The following GRAP2 variants were observed in gnomAD, a reference collection of about 807,000 sequenced individuals.
The protein encoded by GRAP2 is GRB2 related adaptor protein 2.
A neutral mutation model predicts 43.5 loss-of-function variants in GRAP2; 31 were observed. The ratio of observed to expected loss-of-function variants is 0.71; its 90% CI spans 0.54 to 0.96. The LOEUF is 0.96. Among genes scored for constraint, GRAP2 ranks in the 40% least tolerant of loss-of-function variants. The probability of loss-of-function intolerance (pLI) is 0.00; values close to 1 mark genes in which losing one functional copy is unlikely to be tolerated. For synonymous variants in GRAP2, 156 were observed against 164.8 expected, an observed-to-expected ratio of 0.95 and a Z score of 0.41; for missense variants, 371 against 424.4, an observed-to-expected ratio of 0.87 and a Z score of 1.11.
At chr22:39,924,947 A>T (rs1316128279) in intron 1 of GRAP2, among the ~76,000 whole-genome samples, 1 of 152,202 alleles carries the variant, frequency 6.6e-6, no homozygotes, top group Non-Finnish European at 1.5e-5. Context: ...CAGTAATCCT[A>T]AAGGAGATGG....
intron 3 of GRAP2, among the ~76,000 whole-genome samples, chr22:39,959,275 T>A (rs4600758): frequency 6.6e-6 from 1 of 152,246 alleles, no homozygotes; most frequent in Non-Finnish European, 1.5e-5. Flanking sequence ...TGTATGCAGC[T>A]GTACCTCCAG....
At chr22:39,956,088 G>A (rs2067047036) in intron 3 of GRAP2, among the ~76,000 whole-genome samples, 178 bp downstream of exon 3, 1 of 151,922 alleles carries the variant, frequency 6.6e-6, no homozygotes, top group South Asian at 2.1e-4. Flanking sequence ...GGGAGACTTT[G>A]CATTTCATTT....
chr22:39,916,146 A>G (rs2066600755), intron 1 of GRAP2, among the ~76,000 whole-genome samples: 1 of 152,228 alleles, frequency 6.6e-6, no homozygotes, highest in South Asian at 2.1e-4. Flanking sequence ...GTCTTATGTT[A>G]GAATTATTTA....
rs369404424 is a variant in GRAP2, at chr22:39,955,924, G to T, written c.170+14G>T. ...CCAGTTTCCCAAGTAAGTATCTGCA[G>T]CCTGCTGAGATGGGCCTAGCCACAC... is the stretch of plus-strand genomic sequence containing the variant. On this transcript the variant is annotated intron_variant, in intron 3 of 7. Coordinates refer to ENST00000344138, the MANE Select transcript of GRAP2 (RefSeq NM_004810.4). 1.6e-6 allele frequency: 2 copies of T among 1,216,072 alleles called. No individual in the cohort carries two copies. Among genetic ancestry groups the T allele is most frequent in the Non-Finnish European group, 1.2e-6 (1 of 816,374 alleles). 75.3% of individuals were successfully genotyped at this position (1,216,072 alleles called of 1,614,324 possible). A position where few individuals can be genotyped will look rare whatever the true frequency, so the allele number is the denominator to read the frequency against.
chr22:39,965,351 C>T (rs925587519), intron 4 of GRAP2, among the ~76,000 whole-genome samples: 10 of 152,058 alleles, frequency 6.6e-5, no homozygotes, highest in South Asian at 2.1e-4. Flanking sequence ...CCAGCCTGGG[C>T]GACAGAGTGA....
At chr22:39,949,174 C>T (rs1465810737) in intron 2 of GRAP2, among the ~76,000 whole-genome samples, 1 of 152,112 alleles carries the variant, frequency 6.6e-6, no homozygotes, top group South Asian at 2.1e-4. Context: ...CCCATTTCCA[C>T]CCAAGCCACT....
At chr22:39,944,128 T>C (rs1040427944) in intron 1 of GRAP2, among the ~76,000 whole-genome samples, 1 of 152,222 alleles carries the variant, frequency 6.6e-6, no homozygotes, top group Non-Finnish European at 1.5e-5. Flanking sequence ...AAATTGTTGC[T>C]ACCCAGTTTA....
chr22:39,945,910 G>A (rs2066917461), intron 1 of GRAP2, among the ~76,000 whole-genome samples: 1 of 152,164 alleles, frequency 6.6e-6, no homozygotes, highest in Admixed American at 6.5e-5. Context: ...ACCCAGGCTG[G>A]AGTACAGTGG....
At chr22:39,966,444 C>T (rs2067175100) in intron 5 of GRAP2, among the ~76,000 whole-genome samples, 1 of 152,204 alleles carries the variant, frequency 6.6e-6, no homozygotes. Flanking sequence ...CGCCTCATGT[C>T]ATTCCTCATC....
chr22:39,969,399 G>T lies in GRAP2; in HGVS notation c.691-12G>T. 6.2e-7 allele frequency: 1 copy of T among 1,613,502 alleles called. No homozygotes were observed. ...GCAGTGGGGTGACCAGTCTTCTGTT[G>T]TATGTTTCTAGGAACGCCGAGGAGG... On this transcript the variant is annotated splice_polypyrimidine_tract_variant and intron_variant, in intron 6 of 7. Transcript: ENST00000344138.
At chr22:39,956,662 T>G (rs1047985183) in intron 3 of GRAP2, among the ~76,000 whole-genome samples, 3 of 150,968 alleles carry the variant, frequency 2.0e-5, no homozygotes, top group Non-Finnish European at 1.5e-5. Flanking sequence ...AGAGATGGGG[T>G]TTCACCATGA....
chr22:39,902,240 G>A (rs1341660262), intron 1 of GRAP2, among the ~76,000 whole-genome samples: 1 of 152,170 alleles, frequency 6.6e-6, no homozygotes, highest in African/African-American at 2.4e-5. Context: ...ACTTCAGGTC[G>A]CAGAATCTTT....
At chr22:39,954,049 C>T (rs1185652747) in intron 2 of GRAP2, among the ~76,000 whole-genome samples, 1 of 152,220 alleles carries the variant, frequency 6.6e-6, no homozygotes, top group African/African-American at 2.4e-5. Flanking sequence ...CACACCACAC[C>T]TCCTCAGAGC....
chr22:39,960,228 G>C, intron 4 of GRAP2, 54 bp downstream of exon 4: 1 of 1,561,824 alleles, frequency 6.4e-7, no homozygotes, highest in Non-Finnish European at 8.8e-7. Flanking sequence ...TAACCTCACA[G>C]AATGCTGAAG....
chr22:39,960,078 G>C lies in GRAP2; in HGVS notation c.194G>C (p.Arg65Pro). The C allele has an allele frequency of 5.0e-6, 8 of 1,612,944 alleles. No homozygotes were observed. The highest frequency in any genetic ancestry group is 6.8e-6 in the Non-Finnish European group (8 of 1,179,024). Residue 65 changes from arginine to proline, a missense_variant, in exon 4 of 8, where the codon CGA becomes CCA. Coordinates refer to ENST00000344138, the MANE Select transcript of GRAP2 (RefSeq NM_004810.4). Reference sequence around the variant, plus strand: ...AGATGGTTTCACGAAGGCCTCTCTCGACACCAGGCAGAGAACTTACTCATG... The same window carrying C: ...AGATGGTTTCACGAAGGCCTCTCTCCACACCAGGCAGAGAACTTACTCATG... ...FPKWFHEGLSRHQAENLLMGK... is the reference protein window; with the variant it reads ...FPKWFHEGLSPHQAENLLMGK...
intron 1 of GRAP2, among the ~76,000 whole-genome samples, chr22:39,910,443 C>G (rs1460665914): frequency 1.3e-5 from 2 of 151,896 alleles, no homozygotes; most frequent in Non-Finnish European, 1.5e-5. Flanking sequence ...AAGTCTCGCT[C>G]TGTCGCCCAG....
At chr22:39,946,363 A>T (rs1355569464) in intron 1 of GRAP2, among the ~76,000 whole-genome samples, 1 of 152,248 alleles carries the variant, frequency 6.6e-6, no homozygotes, top group Non-Finnish European at 1.5e-5. Context: ...AGTTCATACT[A>T]AATGTATTAC....
chr22:39,924,559 G>A (rs144544642), intron 1 of GRAP2, among the ~76,000 whole-genome samples: 7 of 152,244 alleles, frequency 4.6e-5, no homozygotes, highest in African/African-American at 1.7e-4. Flanking sequence ...AAGATTAGCC[G>A]GACGTGGTGG....
rs558738700 is a variant in GRAP2 at position 39,968,140 on chromosome 22, G to A, written c.558G>A (p.Leu186=). The A allele has an allele frequency of 1.2e-6, 2 of 1,607,582 alleles. No individual in the cohort carries two copies. Among genetic ancestry groups the A allele is most frequent in the Admixed American group, 3.4e-5 (2 of 58,680 alleles). ...EEIRPSMNRK[L]SDHPPTLPLQ... ...TCCGACCTTCGATGAACCGGAAGCT[G>A]TCGGATCACCCCCCGACCCTTCCCC... The change falls in exon 6 of 8, where the codon CTG becomes CTA. Residue 186 remains leucine (L), a synonymous_variant. Transcript: ENST00000344138.
Sources: allele counts gnomAD v4.1 joint callset (sites outside exome capture counted in the v4.1 genomes callset), GRCh38; gene constraint gnomAD v4.1.1; transcripts MANE v1.5; gene names NCBI Gene and HGNC (gene_info 2026-07-23, HGNC 2026-07-21).